The following PSAT1 variants were observed in gnomAD, a reference collection of about 807,000 sequenced individuals.
PSAT1 encodes phosphoserine aminotransferase 1, also known as phosphoserine aminotransferase.
A neutral mutation model predicts 40.3 loss-of-function variants in PSAT1; 41 were observed. That is an observed-to-expected ratio of 1.02 (90% CI 0.79 to 1.32). The LOEUF (loss-of-function observed/expected upper bound fraction) is 1.32, where lower values mean the gene tolerates loss of function less well. PSAT1 is among the 40% of genes most tolerant of loss of function. The pLI, the probability that PSAT1 is intolerant of heterozygous loss-of-function variation, is 0.00. For synonymous variants in PSAT1, 147 were observed against 170.5 expected (o/e 0.86, Z 1.07); for missense variants, 406 against 455.8 (o/e 0.89, Z 0.99).
chr9:78,319,747 G>A (rs1828399723), intron 7 of PSAT1, among the ~76,000 whole-genome samples: 1 of 152,206 alleles, frequency 6.6e-6, no homozygotes, highest in Non-Finnish European at 1.5e-5. Flanking sequence ...ATTAGGCAGA[G>A]AAGAGGGCAG....
intron 7 of PSAT1, among the ~76,000 whole-genome samples, chr9:78,320,842 T>C (rs1039130391): frequency 6.6e-6 from 1 of 152,186 alleles, no homozygotes; most frequent in African/African-American, 2.4e-5. Flanking sequence ...GTGGGTATAG[T>C]GGACGGGAGA....
chr9:78,300,035 A>G (rs940764917), intron 1 of PSAT1, among the ~76,000 whole-genome samples: 1 of 152,072 alleles, frequency 6.6e-6, no homozygotes, highest in African/African-American at 2.4e-5. Context: ...CCTCACATAC[A>G]CAAAGATAAA....
At chr9:78,298,231 T>G in intron 1 of PSAT1, 1 of 983,106 alleles carries the variant, frequency 1.0e-6, no homozygotes, top group Non-Finnish European at 1.2e-6. Flanking sequence ...CGATGTGCCT[T>G]GAGCCCATTG....
intron 1 of PSAT1, chr9:78,298,315 T>G: frequency 1.0e-6 from 1 of 985,386 alleles, no homozygotes; most frequent in Non-Finnish European, 1.2e-6. Context: ...TGGAGCAGCA[T>G]GAGGCATAGC....
intron 6 of PSAT1, among the ~76,000 whole-genome samples, chr9:78,313,554 A>G (rs1222849873): frequency 1.3e-5 from 2 of 152,190 alleles, no homozygotes; most frequent in African/African-American, 2.4e-5. Context: ...TTACCATACA[A>G]ATTGTTCTGT....
chr9:78,310,087 A>T (rs1180852274), intron 6 of PSAT1, among the ~76,000 whole-genome samples: 1 of 152,232 alleles, frequency 6.6e-6, no homozygotes, highest in East Asian at 1.9e-4. Flanking sequence ...TCAGAGCCTC[A>T]GCAGGAGCAG....
chr9:78,312,050 C>CT (rs1210994021), intron 6 of PSAT1, among the ~76,000 whole-genome samples: 1,602 of 128,686 alleles, frequency 0.012, 13 homozygotes, highest in African/African-American at 0.024. Flanking sequence ...GAAAAGACGC[C>CT]TTTTTTTTTT....
chr9:78,304,066 G>C (rs929323839), intron 3 of PSAT1, among the ~76,000 whole-genome samples: 1 of 152,142 alleles, frequency 6.6e-6, no homozygotes, highest in Non-Finnish European at 1.5e-5. Context: ...ACATCCACCT[G>C]GTTCATAGCA....
chr9:78,306,045 A>C (rs995966440), intron 4 of PSAT1, among the ~76,000 whole-genome samples: 4 of 152,186 alleles, frequency 2.6e-5, no homozygotes, highest in Non-Finnish European at 5.9e-5. Flanking sequence ...CTATGGGCAC[A>C]TACCACCATG....
At chr9:78,308,317 TTAAAAAA>T in intron 5 of PSAT1, 90 bp from the exon 6 acceptor site, 1 of 1,397,132 alleles carries the variant, frequency 7.2e-7, no homozygotes. Flanking sequence ...AGTCATTTCC[TTAAAAAA>T]ATTGTGCTTC....
chr9:78,304,970 A>G, intron 4 of PSAT1, 30 bp downstream of exon 4: 2 of 1,604,368 alleles, frequency 1.2e-6, no homozygotes, highest in Non-Finnish European at 1.7e-6. Flanking sequence ...CTGGGTGGTG[A>G]CGTGCTCAAT....
chr9:78,314,430 GGGC>G (rs1478213985), intron 6 of PSAT1, among the ~76,000 whole-genome samples: 13 of 135,864 alleles, frequency 9.6e-5, no homozygotes, highest in East Asian at 2.4e-4. Context: ...GCTCTGCAGA[GGGC>G]TGGGTGGGAG....
intron 5 of PSAT1, among the ~76,000 whole-genome samples, chr9:78,307,376 C>T (rs1433175931): frequency 7.9e-5 from 12 of 152,358 alleles, no homozygotes; most frequent in African/African-American, 2.4e-4. Context: ...CTTCAAGGTT[C>T]GTCCATGTTG....
intron 1 of PSAT1, chr9:78,298,350 T>C (rs1174270112): frequency 4.1e-6 from 4 of 985,072 alleles, no homozygotes; most frequent in African/African-American, 1.7e-5. Flanking sequence ...TTATCAATTG[T>C]TGAGCAGAGT....
At chr9:78,304,212 G>A (rs867675943) in intron 3 of PSAT1, among the ~76,000 whole-genome samples, 12 of 152,192 alleles carry the variant, frequency 7.9e-5, no homozygotes, top group Admixed American at 1.3e-4. Flanking sequence ...CTGCAGGAAG[G>A]TGATTTTCCC....
intron 3 of PSAT1, 51 bp downstream of exon 3, chr9:78,302,074 A>G (rs373252987): frequency 5.7e-6 from 7 of 1,237,960 alleles, no homozygotes; most frequent in African/African-American, 1.5e-5. Context: ...TACTTCCTAA[A>G]TCTGGATGTC....
chr9:78,302,143 C>T, intron 3 of PSAT1, 120 bp downstream of exon 3: 1 of 797,046 alleles, frequency 1.3e-6, no homozygotes, highest in Non-Finnish European at 2.1e-6. Context: ...TAAAATAATC[C>T]TTGTAAGATT....
chr9:78,320,350 A>C (rs1828410671), intron 7 of PSAT1, among the ~76,000 whole-genome samples: 1 of 145,472 alleles, frequency 6.9e-6, no homozygotes, highest in Non-Finnish European at 1.5e-5. Context: ...CCATCCATCC[A>C]TCCATCCATC....
intron 7 of PSAT1, among the ~76,000 whole-genome samples, chr9:78,318,700 C>T (rs906482759): frequency 6.6e-6 from 1 of 152,212 alleles, no homozygotes; most frequent in African/African-American, 2.4e-5. Flanking sequence ...GATTTAGGGC[C>T]TGTCCAGATA....
Sources: gnomAD v4.1 joint callset for allele counts (sites outside exome capture counted in the v4.1 genomes callset) on GRCh38, gnomAD v4.1.1 for gene constraint, MANE v1.5 for transcripts, NCBI Gene and HGNC (gene_info 2026-07-23, HGNC 2026-07-21) for gene names.